The following WIPF3 variants were observed in gnomAD, a reference collection of about 807,000 sequenced individuals.
The protein encoded by WIPF3 is WAS/WASL interacting protein family member 3.
Under a neutral mutation model 38.9 loss-of-function variants are expected in WIPF3, and 33 were observed. The observed-to-expected ratio is 0.85, with a 90% CI of 0.64 to 1.14. The LOEUF (loss-of-function observed/expected upper bound fraction) is 1.14. Ranked by LOEUF, WIPF3 falls within the 50% of genes most tolerant of loss-of-function variation. The probability of loss-of-function intolerance (pLI) is 0.00; values close to 1 mark genes in which losing one functional copy is unlikely to be tolerated. For synonymous variants in WIPF3, 324 were observed against 269.3 expected, an observed-to-expected ratio of 1.20 and a Z score of -1.99; for missense variants, 711 against 652.5, an observed-to-expected ratio of 1.09 and a Z score of -0.98.
intron 1 of WIPF3, among the ~76,000 whole-genome samples, chr7:29,813,565 T>C (rs1180675354): frequency 3.9e-5 from 6 of 152,258 alleles, no homozygotes; most frequent in Non-Finnish European, 8.8e-5. Flanking sequence ...TTTTCATGTA[T>C]GCTTCCAAAC....
At chr7:29,855,173 G>A (rs1786202190) in intron 2 of WIPF3, among the ~76,000 whole-genome samples, 1 of 152,144 alleles carries the variant, frequency 6.6e-6, no homozygotes, top group Non-Finnish European at 1.5e-5. Context: ...TTTTTCTTGA[G>A]GCAGAATTCA....
chr7:29,913,689 CTT>C (rs1786548380), intron 8 of WIPF3, among the ~76,000 whole-genome samples: 1 of 152,150 alleles, frequency 6.6e-6, no homozygotes, highest in African/African-American at 2.4e-5. Flanking sequence ...AAAGAGAAAA[CTT>C]TCTAGAAATT....
chr7:29,888,218 G>C lies in WIPF3; in HGVS notation c.1249+1G>C, dbSNP rs758220545. The C allele has an allele frequency of 6.2e-7, 1 of 1,606,376 alleles. No homozygotes were observed. On this transcript the variant is annotated splice_donor_variant, in intron 6 of 8. Transcript: ENST00000242140. LOFTEE classifies it high-confidence loss of function. The stretch of plus-strand genomic sequence containing the variant: ...CGAAATGGAAGCCTGCACATCATTG[G>C]TAAGTGGGTTGCACCCTCTGCCGGT...
chr7:29,911,331 A>T (rs1243070865), intron 8 of WIPF3, among the ~76,000 whole-genome samples: 2 of 152,148 alleles, frequency 1.3e-5, no homozygotes, highest in Non-Finnish European at 2.9e-5. Flanking sequence ...TGTCAATACT[A>T]CCCAAAGCAA....
intron 2 of WIPF3, among the ~76,000 whole-genome samples, chr7:29,857,317 T>A (rs1785201763): frequency 6.6e-6 from 1 of 152,160 alleles, no homozygotes; most frequent in Non-Finnish European, 1.5e-5. Context: ...AAAAGAATCA[T>A]GGCAACGTGT....
rs1378909825 is a variant in WIPF3, at chr7:29,844,153, C to T, written c.90+9339C>T. Among the ~76,000 whole-genome samples the T allele has an allele frequency of 4.6e-5, 7 of 152,196 alleles. No homozygotes were observed. Among genetic ancestry groups the T allele is most frequent in the Non-Finnish European group, 1.0e-4 (7 of 68,032 alleles). ...TTGCCTATGCACTCTCACATAAAGG[C>T]TGTAAGGACATGGAAAACGTGTCAT... On this transcript the variant is annotated intron_variant, in intron 2 of 8. Coordinates refer to ENST00000242140, the MANE Select transcript of WIPF3 (RefSeq NM_001080529.3). The surrounding 1 kb of genome is among the most constrained non-coding windows in gnomAD (Gnocchi z 4.8).
chr7:29,830,927 G>A (rs1021556266), intron 1 of WIPF3, among the ~76,000 whole-genome samples: 5 of 152,264 alleles, frequency 3.3e-5, no homozygotes, highest in East Asian at 1.9e-4. Context: ...GTGTACTCAC[G>A]AAAGTGTATT....
intron 2 of WIPF3, among the ~76,000 whole-genome samples, chr7:29,864,463 A>G (rs1785352118): frequency 6.6e-6 from 1 of 152,174 alleles, no homozygotes; most frequent in Admixed American, 6.5e-5. Context: ...TCAGTTGTGT[A>G]ATCGTATTAA....
intron 8 of WIPF3, among the ~76,000 whole-genome samples, chr7:29,909,961 TG>T (rs1279597722): frequency 6.6e-6 from 1 of 151,036 alleles, no homozygotes; most frequent in Non-Finnish European, 1.5e-5. Context: ...GGAGTGGAGT[TG>T]GGGATGGTTA....
At position 29,853,449 on chromosome 7, in the gene WIPF3, G is replaced by A. The variant is rs150870963; in HGVS notation, c.90+18635G>A. ...CAGTGAGCTCCAGTGCTTGCTCAGAGTCCACAGGACTCCATCCCCTGCCCT... is the reference window on the plus strand; with the variant it reads ...CAGTGAGCTCCAGTGCTTGCTCAGAATCCACAGGACTCCATCCCCTGCCCT... On this transcript the variant is annotated intron_variant, in intron 2 of 8. Coordinates refer to ENST00000242140, the MANE Select transcript of WIPF3 (RefSeq NM_001080529.3). Among the ~76,000 whole-genome samples, 37 of 152,332 alleles carry A rather than the reference G, an allele frequency of 2.4e-4. No individual in the cohort carries two copies. In the East Asian group the frequency reaches 5.8e-3, roughly 24 times the overall value.
chr7:29,906,811 TAAG>T (rs1169938762), intron 8 of WIPF3, among the ~76,000 whole-genome samples: 1 of 152,162 alleles, frequency 6.6e-6, no homozygotes, highest in African/African-American at 2.4e-5. Context: ...GGATCTTCAG[TAAG>T]ATTATCAGTA....
At chr7:29,816,013 A>G (rs150878282) in intron 1 of WIPF3, among the ~76,000 whole-genome samples, 126 of 152,278 alleles carry the variant, frequency 8.3e-4, no homozygotes, top group African/African-American at 3.0e-3. Flanking sequence ...CGTCAAGACC[A>G]TTTTAATCTT....
Position 29,916,834 on chromosome 7 carries a change from G to A in WIPF3, c.*2318G>A, listed in dbSNP as rs1006576960. The A allele has an allele frequency of 2.6e-5, 4 of 152,008 alleles. No individual in the cohort carries two copies. Among genetic ancestry groups the A allele is most frequent in the East Asian group, 3.9e-4 (2 of 5,186 alleles). 9.4% of individuals were successfully genotyped at this position (152,008 alleles called of 1,614,324 possible). Reference sequence around the variant, plus strand: ...CCTATCACTGAATTCACAACCCTTCGAGCTCATGCTGGTGCACTGAGTCCC... The same window carrying A: ...CCTATCACTGAATTCACAACCCTTCAAGCTCATGCTGGTGCACTGAGTCCC... On this transcript the variant is annotated 3_prime_UTR_variant, in exon 9 of 9. Coordinates refer to ENST00000242140, the MANE Select transcript of WIPF3 (RefSeq NM_001080529.3).
Position 29,915,669 on chromosome 7 carries a change from C to G in WIPF3, c.*1153C>G, listed in dbSNP as rs1786600817. The G allele has an allele frequency of 6.6e-6, 1 of 152,260 alleles. No homozygotes were observed. Among genetic ancestry groups the G allele is most frequent in the Admixed American group, 6.5e-5 (1 of 15,282 alleles). 9.4% of individuals were successfully genotyped at this position (152,260 alleles called of 1,614,324 possible). On this transcript the variant is annotated 3_prime_UTR_variant, in exon 9 of 9. Transcript: ENST00000242140. The stretch of plus-strand genomic sequence containing the variant: ...CACTCTGAATATGGAAAAGGTCAGG[C>G]CGGGCTGGTCCTGCTCTTCACTCCC...
intron 1 of WIPF3, among the ~76,000 whole-genome samples, chr7:29,806,947 G>C (rs1383781781): frequency 6.6e-6 from 1 of 151,774 alleles, no homozygotes; most frequent in Non-Finnish European, 1.5e-5. Flanking sequence ...ACAAACCGCG[G>C]GGTGGGGAGC....
chr7:29,889,742 C>T lies in WIPF3; in HGVS notation c.1351+335C>T, dbSNP rs1242224237. On this transcript the variant is annotated intron_variant, in intron 7 of 8. Transcript: ENST00000242140. Reference sequence around the variant, plus strand: ...AACAGCAAAATAGGATATTTTGCATCAATCACTGAGGAGGAACCTGAAAAC... The same window carrying T: ...AACAGCAAAATAGGATATTTTGCATTAATCACTGAGGAGGAACCTGAAAAC... Among the ~76,000 whole-genome samples the T allele has an allele frequency of 2.0e-5, 3 of 152,158 alleles. No individual in the cohort carries two copies. The East Asian group carries it at 5.8e-4, about 29-fold the overall frequency.
Position 29,834,709 on chromosome 7 carries a change from A to G in WIPF3, c.-16A>G. 2 of 1,494,642 alleles carry G rather than the reference A, an allele frequency of 1.3e-6. No individual in the cohort carries two copies. Among genetic ancestry groups the G allele is most frequent in the Non-Finnish European group, 1.8e-6 (2 of 1,122,180 alleles). The allele number at this position is 1,494,642 out of a possible 1,614,324, so 92.6% of individuals were successfully genotyped here. ...TTGGGACCATTCATAAGCAGGAGAC[A>G]TCAACACCGTGACACATGCCAGTGC... On this transcript the variant is annotated 5_prime_UTR_variant, in exon 2 of 9. Transcript: ENST00000242140.
rs537963143 is a variant in WIPF3 at position 29,854,299 on chromosome 7, A to G, written c.90+19485A>G. 3.4e-4 allele frequency among the ~76,000 whole-genome samples: 52 copies of G among 152,354 alleles called. 1 individual carries two copies. Among genetic ancestry groups the G allele is most frequent in the South Asian group, 3.3e-3 (16 of 4,824 alleles). ...CCAGAATTTTCTCTATATTTATAGAATGCTATTATAAGACCCTCAAAAGTA... is the reference window on the plus strand; with the variant it reads ...CCAGAATTTTCTCTATATTTATAGAGTGCTATTATAAGACCCTCAAAAGTA... On this transcript the variant is annotated intron_variant, in intron 2 of 8. Transcript: ENST00000242140.
intron 2 of WIPF3, among the ~76,000 whole-genome samples, chr7:29,866,574 C>T (rs1264192327): frequency 1.3e-5 from 2 of 152,238 alleles, no homozygotes; most frequent in African/African-American, 4.8e-5. Context: ...AGTCCCCCTG[C>T]CAAGGTGGCT....
Sources: allele counts gnomAD v4.1 joint callset (sites outside exome capture counted in the v4.1 genomes callset), GRCh38; gene constraint gnomAD v4.1.1; non-coding constraint Gnocchi (gnomAD v3.1); transcripts MANE v1.5; gene names NCBI Gene and HGNC (gene_info 2026-07-23, HGNC 2026-07-21).